The following CTNNA3 variants were observed in gnomAD, a reference collection of about 807,000 sequenced individuals.
CTNNA3 encodes catenin alpha 3.
In CTNNA3, 76 loss-of-function variants were observed where a neutral mutation model predicts 95.7. The observed-to-expected ratio is 0.79, with a 90% CI of 0.66 to 0.96. The LOEUF (loss-of-function observed/expected upper bound fraction) is 0.96. Ranked by LOEUF, CTNNA3 falls within the 40% of genes least tolerant of loss-of-function variation. The pLI, the probability that CTNNA3 is intolerant of heterozygous loss-of-function variation, is 0.00. For synonymous variants in CTNNA3, 431 were observed against 374.4 expected, an observed-to-expected ratio of 1.15 and a Z score of -1.74; for missense variants, 1,191 against 1,089.8, an observed-to-expected ratio of 1.09 and a Z score of -1.31.
At chr10:66,326,367 G>A (rs2092254278) in intron 12 of CTNNA3, among the ~76,000 whole-genome samples, 1 of 151,970 alleles carries the variant, frequency 6.6e-6, no homozygotes, top group East Asian at 1.9e-4. Context: ...CTCGACATTT[G>A]GCACAGGTAG....
rs58074397 is a variant in CTNNA3 at position 67,720,129 on chromosome 10, C to CTT, written c.-2+43303_-2+43304dup. ...TCAGAGACTAGGATTGCAACCCCTGCTTTTTTTTTTTTTTTTTTTTTTTGC... is the reference window on the plus strand; with the variant it reads ...TCAGAGACTAGGATTGCAACCCCTGCTTTTTTTTTTTTTTTTTTTTTTTTTGC... On this transcript the variant is annotated intron_variant, in intron 1 of 17. Transcript: ENST00000684154. 3.5e-3 allele frequency among the ~76,000 whole-genome samples: 23 copies of CTT among 6,612 alleles called. 9 individuals carry two copies. The highest frequency in any genetic ancestry group is 0.33 in the Middle Eastern group (2 of 6). The allele number at this position is 6,612 out of a possible 152,430, so 4.3% of individuals were successfully genotyped here.
intron 5 of CTNNA3, among the ~76,000 whole-genome samples, chr10:67,395,167 A>G (rs1238043003): frequency 2.6e-5 from 4 of 152,206 alleles, no homozygotes; most frequent in African/African-American, 9.6e-5. Flanking sequence ...ATAACCAATT[A>G]AAATTTATTC....
intron 3 of CTNNA3, among the ~76,000 whole-genome samples, chr10:67,562,516 A>C (rs1457906765): frequency 1.3e-5 from 2 of 152,168 alleles, no homozygotes; most frequent in African/African-American, 4.8e-5. Flanking sequence ...TCTATGACAA[A>C]CCCACAGCCA....
chr10:66,005,976 C>T (rs2078870879), intron 15 of CTNNA3, among the ~76,000 whole-genome samples: 1 of 149,184 alleles, frequency 6.7e-6, no homozygotes, highest in East Asian at 2.0e-4. Context: ...CCTTTCCAGA[C>T]TCATATGAGT....
intron 11 of CTNNA3, among the ~76,000 whole-genome samples, chr10:66,507,049 T>C (rs939525720): frequency 1.0e-3 from 154 of 152,146 alleles, no homozygotes; most frequent in Non-Finnish European, 6.3e-4. Flanking sequence ...TTATTATGTG[T>C]TTTTTGGCAT....
chr10:66,688,824 A>G (rs1847400954), intron 9 of CTNNA3, among the ~76,000 whole-genome samples: 1 of 150,958 alleles, frequency 6.6e-6, no homozygotes, highest in Non-Finnish European at 1.5e-5. Context: ...ACAAAAAAAA[A>G]TTAGCCGGGC....
chr10:66,610,918 AT>A (rs1844307052), intron 10 of CTNNA3, among the ~76,000 whole-genome samples: 1 of 152,148 alleles, frequency 6.6e-6, no homozygotes, highest in Non-Finnish European at 1.5e-5. Flanking sequence ...AAATAAAAAA[AT>A]GTGGCATATG....
intron 10 of CTNNA3, among the ~76,000 whole-genome samples, chr10:66,537,255 A>C (rs1457634092): frequency 6.6e-6 from 1 of 152,176 alleles, no homozygotes; most frequent in Non-Finnish European, 1.5e-5. Context: ...AACAAGTCAT[A>C]GAAACTAATG....
At chr10:65,921,965 A>G (rs1340283395) in intron 17 of CTNNA3, among the ~76,000 whole-genome samples, 6 of 152,162 alleles carry the variant, frequency 3.9e-5, no homozygotes, top group Non-Finnish European at 1.5e-5. Flanking sequence ...AGTTGACATA[A>G]AGTAACTCAT....
intron 13 of CTNNA3, among the ~76,000 whole-genome samples, chr10:66,244,644 C>T (rs1282754156): frequency 3.3e-5 from 5 of 152,276 alleles, no homozygotes; most frequent in East Asian, 1.9e-4. Flanking sequence ...ACAACAAAGG[C>T]GGCACATTTA....
In CTNNA3 at chr10:67,302,949, G is replaced by A. The variant is rs377302208; in HGVS notation, c.580-83079C>T. ...AGGAAAACATAGGCTCTTTAAATGT[G>A]GTCTCTGAACCAGCAGCACCAACAT... On this transcript the variant is annotated intron_variant, in intron 5 of 17. Transcript: ENST00000433211. Among the ~76,000 whole-genome samples, 52 of 152,226 alleles carry A rather than the reference G, an allele frequency of 3.4e-4. 1 individual carries two copies. In the South Asian group the frequency reaches 0.01, roughly 30 times the overall value.
intron 11 of CTNNA3, among the ~76,000 whole-genome samples, chr10:66,431,817 C>T (rs12416564): frequency 0.26 from 39,617 of 150,648 alleles, 5,392 homozygotes; most frequent in South Asian, 0.38. Flanking sequence ...TTAATGGGTG[C>T]AGCACACCAA....
At chr10:66,489,369 C>G (rs1326006068) in intron 11 of CTNNA3, among the ~76,000 whole-genome samples, 1 of 152,002 alleles carries the variant, frequency 6.6e-6, no homozygotes, top group Non-Finnish European at 1.5e-5. Context: ...AGCTAAATAG[C>G]TCAAGTATTC....
chr10:66,926,707 A>T (rs534166255), intron 7 of CTNNA3: 2 of 1,220,466 alleles, frequency 1.6e-6, no homozygotes, highest in Admixed American at 4.3e-5. Flanking sequence ...TAAGACTATG[A>T]ATTTATTTGC....
chr10:66,072,640 T>G (rs1277449697), intron 14 of CTNNA3, among the ~76,000 whole-genome samples: 2 of 152,042 alleles, frequency 1.3e-5, no homozygotes. Flanking sequence ...AGACGGGGTT[T>G]CACCATTTTG....
chr10:66,241,296 T>G (rs1046476186), intron 13 of CTNNA3, among the ~76,000 whole-genome samples: 1 of 152,194 alleles, frequency 6.6e-6, no homozygotes, highest in Non-Finnish European at 1.5e-5. Flanking sequence ...TACAGTTGAA[T>G]GATACACAGT....
intron 13 of CTNNA3, among the ~76,000 whole-genome samples, chr10:66,264,376 T>A (rs190506588): frequency 2.0e-5 from 3 of 152,162 alleles, no homozygotes; most frequent in African/African-American, 7.2e-5. Flanking sequence ...ATGTTTTGAA[T>A]TTGTTTACCT....
chr10:65,947,756 A>G (rs1178624055), intron 17 of CTNNA3, among the ~76,000 whole-genome samples: 5 of 152,254 alleles, frequency 3.3e-5, no homozygotes, highest in African/African-American at 1.2e-4. Context: ...AGCATAACCT[A>G]GCCTAAATTG....
chr10:67,579,080 T>C (rs1221355819), intron 3 of CTNNA3, among the ~76,000 whole-genome samples: 1 of 146,256 alleles, frequency 6.8e-6, no homozygotes, highest in Non-Finnish European at 1.5e-5. Flanking sequence ...ATACTTTAAG[T>C]TCTAGGGTAC....
Sources: gnomAD v4.1 joint callset for allele counts (sites outside exome capture counted in the v4.1 genomes callset) on GRCh38, gnomAD v4.1.1 for gene constraint, MANE v1.5 for transcripts, NCBI Gene and HGNC (gene_info 2026-07-23, HGNC 2026-07-21) for gene names.